ADA: variants seen among roughly 807,000 people sequenced by gnomAD.
ADA encodes adenosine deaminase, also known as adenosine aminohydrolase.
A neutral mutation model predicts 49.0 loss-of-function variants in ADA; 45 were observed. The observed-to-expected ratio is 0.92, with a 90% confidence interval of 0.72 to 1.18. The LOEUF is 1.18. ADA is among the 50% of genes most tolerant of loss of function. ADA has a pLI of 0.00. For missense variants in ADA, 445 were observed against 472.5 expected (o/e 0.94, Z 0.54); for synonymous variants, 173 against 184.2 (o/e 0.94, Z 0.49).
intron 3 of ADA, among the ~76,000 whole-genome samples, chr20:44,627,202 G>A (rs948717546): frequency 2.7e-4 from 39 of 144,450 alleles, no homozygotes; most frequent in African/African-American, 1.0e-3. Flanking sequence ...TTTTTTTTGA[G>A]ACAGAATCTT....
Position 44,620,843 on chromosome 20 carries a change from G to T in ADA, c.975+175C>A, listed in dbSNP as rs1312273872. The T allele has an allele frequency of 9.3e-6, 8 of 856,846 alleles. No homozygotes were observed. In the East Asian group the frequency reaches 1.8e-4, roughly 19 times the overall value. 53.1% of individuals were successfully genotyped at this position (856,846 alleles called of 1,614,324 possible). A position where few individuals can be genotyped will look rare whatever the true frequency, so the allele number is the denominator to read the frequency against. ...CAAAGGATCAAAAACCTGGTCCTAG[G>T]TCAGGACGTCAACACAAAGATGTCT... On this transcript the variant is annotated intron_variant, in intron 10 of 11. Transcript: ENST00000372874.
At chr20:44,620,809 C>A in intron 10 of ADA, 1 of 661,032 alleles carries the variant, frequency 1.5e-6, no homozygotes, top group Non-Finnish European at 2.6e-6. Flanking sequence ...TAAAGGCACT[C>A]AACCCAAGCA....
At chr20:44,632,504 G>T (rs1332386581) in intron 2 of ADA, among the ~76,000 whole-genome samples, 1 of 152,172 alleles carries the variant, frequency 6.6e-6, no homozygotes, top group East Asian at 1.9e-4. Context: ...GAGACAAAGA[G>T]CACAGGGGAC....
intron 1 of ADA, among the ~76,000 whole-genome samples, chr20:44,643,106 A>G (rs559230783): frequency 1.3e-5 from 2 of 152,228 alleles, no homozygotes; most frequent in African/African-American, 4.8e-5. Context: ...CTGTCAGCCT[A>G]TTCCAGATGA....
At chr20:44,632,677 C>CT (rs1229242777) in intron 2 of ADA, among the ~76,000 whole-genome samples, 1 of 152,120 alleles carries the variant, frequency 6.6e-6, no homozygotes, top group Non-Finnish European at 1.5e-5. Context: ...CTCATAGGGC[C>CT]ACCCTCTGTT....
chr20:44,620,789 C>T, intron 10 of ADA: 1 of 608,164 alleles, frequency 1.6e-6, no homozygotes, highest in Non-Finnish European at 2.9e-6. Flanking sequence ...ACAGCTTTCA[C>T]TGGATTCTTT....
rs1297398786 is a variant in ADA, at chr20:44,636,294, AG to A, written c.34-7del. 4 of 1,597,224 alleles carry A rather than the reference AG, an allele frequency of 2.5e-6. No individual in the cohort carries two copies. Among genetic ancestry groups the A allele is most frequent in the South Asian group, 1.1e-5 (1 of 88,882 alleles). ...AGGTGGACATGCAGTTCCACCTGCA[AG>A]GGGGCAGGGGGAAGAGAGAGAGAAA... On this transcript the variant is annotated splice_polypyrimidine_tract_variant and splice_region_variant and intron_variant, in intron 1 of 11. Transcript: ENST00000372874.
At chr20:44,644,356 G>C (rs2065568653) in intron 1 of ADA, among the ~76,000 whole-genome samples, 1 of 152,112 alleles carries the variant, frequency 6.6e-6, no homozygotes, top group Admixed American at 6.5e-5. Flanking sequence ...AGTGCTCTCT[G>C]TGTTCAATGA....
At position 44,619,541 on chromosome 20, in the gene ADA, GCTT is replaced by G; in HGVS notation, c.*290_*292del. 2 of 425,708 alleles carry G rather than the reference GCTT, an allele frequency of 4.7e-6. No individual in the cohort carries two copies. Among genetic ancestry groups the G allele is most frequent in the South Asian group, 2.2e-5 (1 of 44,960 alleles). 26.4% of individuals were successfully genotyped at this position (425,708 alleles called of 1,614,324 possible). ...ACCTGCTGCATGCCACCAGCCATGG[GCTT>G]CTTTATTGAGCACCAGATTTTCAGT... On this transcript the variant is annotated 3_prime_UTR_variant, in exon 12 of 12. Transcript: ENST00000372874.
chr20:44,622,738 G>A lies in ADA; in HGVS notation c.781-86C>T, dbSNP rs1044495128. ...ATGTCTGGGCCTGGGGCCACCCCTC[G>A]AGTTCCTGGGACCCGCCCTGCTTTC... On this transcript the variant is annotated intron_variant, in intron 8 of 11. Transcript: ENST00000372874. The A allele has an allele frequency of 3.3e-5, 53 of 1,613,516 alleles. No homozygotes were observed. The Admixed American group carries it at 6.2e-4, about 19-fold the overall frequency.
intron 3 of ADA, among the ~76,000 whole-genome samples, chr20:44,627,838 T>C (rs183636064): frequency 7.8e-4 from 119 of 152,376 alleles, no homozygotes; most frequent in African/African-American, 2.7e-3. Context: ...CCCACACTTA[T>C]CTGCTGTGTG....
chr20:44,634,112 GC>G (rs2065457945), intron 2 of ADA, among the ~76,000 whole-genome samples: 1 of 152,078 alleles, frequency 6.6e-6, no homozygotes, highest in African/African-American at 2.4e-5. Flanking sequence ...CTTTCTCTTA[GC>G]CCCACCCGGC....
rs577310518 is a variant in ADA, at chr20:44,635,668, C to T, written c.95+559G>A. On this transcript the variant is annotated intron_variant, in intron 2 of 11. Coordinates refer to ENST00000372874, the MANE Select transcript of ADA (RefSeq NM_000022.4). Reference sequence around the variant, plus strand: ...AATCCCAGCACTGTGGGAGGCCAAGCTGGGTGGATCACTTGAGGTCAGGAG... The same window carrying T: ...AATCCCAGCACTGTGGGAGGCCAAGTTGGGTGGATCACTTGAGGTCAGGAG... Among the ~76,000 whole-genome samples, 3 of 152,174 alleles carry T rather than the reference C, an allele frequency of 2.0e-5. No individual in the cohort carries two copies. In the South Asian group the frequency reaches 6.2e-4, roughly 32 times the overall value.
chr20:44,631,065 C>T (rs1189872529), intron 2 of ADA, among the ~76,000 whole-genome samples: 2 of 152,130 alleles, frequency 1.3e-5, no homozygotes, highest in African/African-American at 4.8e-5. Flanking sequence ...AGAAGTTTGA[C>T]CAAATAGTGT....
chr20:44,626,496 C>T lies in ADA; in HGVS notation c.322G>A (p.Ala108Thr). 6.2e-7 allele frequency: 1 copy of T among 1,614,118 alleles called. No individual in the cohort carries two copies. The highest frequency in any genetic ancestry group is 8.5e-7 in the Non-Finnish European group (1 of 1,180,030). ...GGGATTGGCTCCACTTTGGAGTTGG[C>T]CAGCAGGTGCGGACTGTACCGCACC... ...VEVRYSPHLL[A>T]NSKVEPIPWN... The change falls in exon 4 of 12, where the codon GCC becomes ACC. Residue 108 changes from alanine (A) to threonine (T), a missense_variant. Coordinates refer to ENST00000372874, the MANE Select transcript of ADA (RefSeq NM_000022.4).
At chr20:44,642,502 A>G (rs1002159171) in intron 1 of ADA, among the ~76,000 whole-genome samples, 9 of 152,204 alleles carry the variant, frequency 5.9e-5, no homozygotes, top group African/African-American at 2.2e-4. Context: ...GGCTCCAGGC[A>G]GGGGAGCTGC....
chr20:44,643,697 T>A (rs2299691), intron 1 of ADA, among the ~76,000 whole-genome samples: 2 of 151,898 alleles, frequency 1.3e-5, no homozygotes, highest in Admixed American at 6.6e-5. Flanking sequence ...CCTCCTGACC[T>A]CTCCAGAGGG....
At chr20:44,651,090 G>C (rs531590604) in intron 1 of ADA, among the ~76,000 whole-genome samples, 2 of 152,176 alleles carry the variant, frequency 1.3e-5, no homozygotes, top group East Asian at 1.9e-4. Context: ...CAGGGCTCAC[G>C]GTTCTTCCCC....
In ADA at chr20:44,620,042, T is replaced by C. The variant is rs748560293; in HGVS notation, c.1079-195A>G. ...CCCTGCCCTTGGCTTTGGGCAGCCATGGAGGTGTCCCCAACTGCCCAGACC... is the reference window on the plus strand; with the variant it reads ...CCCTGCCCTTGGCTTTGGGCAGCCACGGAGGTGTCCCCAACTGCCCAGACC... On this transcript the variant is annotated intron_variant, in intron 11 of 11. Transcript: ENST00000372874. Among the ~76,000 whole-genome samples the C allele has an allele frequency of 3.9e-5, 6 of 152,328 alleles. No homozygotes were observed. The South Asian group carries it at 1.2e-3, about 32-fold the overall frequency.
Sources: gnomAD v4.1 joint callset for allele counts (sites outside exome capture counted in the v4.1 genomes callset) on GRCh38, gnomAD v4.1.1 for gene constraint, MANE v1.5 for transcripts, NCBI Gene and HGNC (gene_info 2026-07-23, HGNC 2026-07-21) for gene names.